The following ANKRD28 variants were observed in gnomAD, a reference collection of about 807,000 sequenced individuals.
ANKRD28 encodes the protein serine/threonine-protein phosphatase 6 regulatory ankyrin repeat subunit A.
A neutral mutation model predicts 126.5 loss-of-function variants in ANKRD28; 44 were observed. That is an observed-to-expected ratio of 0.35 (90% CI 0.27 to 0.45). The LOEUF (loss-of-function observed/expected upper bound fraction) is 0.45. Ranked by LOEUF, ANKRD28 falls within the 20% of genes least tolerant of loss-of-function variation. The pLI is 1.00. For synonymous variants in ANKRD28, 442 were observed against 468.5 expected (o/e 0.94, Z 0.73); for missense variants, 1,110 against 1,316.6 (o/e 0.84, Z 2.43).
intron 3 of ANKRD28, among the ~76,000 whole-genome samples, chr3:15,757,853 C>T (rs1248908985): frequency 1.3e-5 from 2 of 152,114 alleles, no homozygotes; most frequent in African/African-American, 4.8e-5. Flanking sequence ...AACTACTATC[C>T]ACAGGCTTCA....
intron 2 of ANKRD28, among the ~76,000 whole-genome samples, chr3:15,777,891 CA>C (rs1559515192): frequency 6.6e-5 from 10 of 151,556 alleles, no homozygotes; most frequent in African/African-American, 2.2e-4. Context: ...CACACACACA[CA>C]CACACACACA....
intron 3 of ANKRD28, among the ~76,000 whole-genome samples, chr3:15,761,218 A>G (rs146318845): frequency 1.7e-3 from 254 of 152,304 alleles, no homozygotes; most frequent in African/African-American, 5.9e-3. Context: ...ATTATTTCAT[A>G]TTGCTTAATT....
Position 15,670,243 on chromosome 3 carries a change from T to C in ANKRD28, c.*27A>G, listed in dbSNP as rs778977082. The C allele has an allele frequency of 4.4e-6, 7 of 1,604,750 alleles. No homozygotes were observed. The highest frequency in any genetic ancestry group is 3.3e-4 in the Middle Eastern group (2 of 6,022). On this transcript the variant is annotated 3_prime_UTR_variant, in exon 28 of 28. Coordinates refer to ENST00000683139, the MANE Select transcript of ANKRD28 (RefSeq NM_001349278.2). ...GAAAAAGCACAGTTTGAAGCTTTAC[T>C]GTGAGAACTCCCTCCTCCTCAGCCT... is the stretch of plus-strand genomic sequence containing the variant.
intron 6 of ANKRD28, among the ~76,000 whole-genome samples, chr3:15,730,973 T>G (rs1440585076): frequency 6.6e-6 from 1 of 152,142 alleles, no homozygotes; most frequent in Non-Finnish European, 1.5e-5. Flanking sequence ...CTCCCCACAA[T>G]GTGGTGCTTC....
At position 15,678,189 on chromosome 3, in the gene ANKRD28, T is replaced by A. The variant is rs1430474142; in HGVS notation, c.2707+20A>T. ...GATACACATACTTAGGAAAATACAA[T>A]TTTAAAGAAGTTTCTTTACCAACTG... On this transcript the variant is annotated intron_variant, in intron 24 of 27. Transcript: ENST00000683139. 1 of 1,593,726 alleles carries A rather than the reference T, an allele frequency of 6.3e-7. No individual in the cohort carries two copies. The highest frequency in any genetic ancestry group is 1.7e-5 in the Admixed American group (1 of 57,560).
chr3:15,741,056 AGGTGGGGGGGCG>A (rs2075422860), intron 4 of ANKRD28, among the ~76,000 whole-genome samples: 1 of 152,096 alleles, frequency 6.6e-6, no homozygotes, highest in Non-Finnish European at 1.5e-5. Flanking sequence ...AAAATTAGCC[AGGTGGGGGGGCG>A]GGCGCCTGTA....
chr3:15,845,297 G>T lies in ANKRD28; in HGVS notation c.27+14080C>A, dbSNP rs1274052131. Among the ~76,000 whole-genome samples the T allele has an allele frequency of 2.6e-5, 3 of 114,460 alleles. No individual in the cohort carries two copies. The highest frequency in any genetic ancestry group is 5.3e-5 in the Non-Finnish European group (3 of 56,212). The allele number at this position is 114,460 out of a possible 152,430, so 75.1% of individuals were successfully genotyped here. ...TACATAACATATACACAATCTTCCA[G>T]AACATTTCTAAAGTATATATATATA... On this transcript the variant is annotated intron_variant, in intron 1 of 27. Transcript: ENST00000399451. The surrounding 1 kb of genome is among the most constrained non-coding windows in gnomAD (Gnocchi z 4.9).
At chr3:15,828,616 A>G (rs2061120894) in intron 1 of ANKRD28, among the ~76,000 whole-genome samples, 1 of 124,108 alleles carries the variant, frequency 8.1e-6, no homozygotes, top group South Asian at 2.5e-4. Context: ...CCTGACCTCA[A>G]TTCTTTCTAT....
At chr3:15,719,137 G>T (rs1201142185) in intron 8 of ANKRD28, among the ~76,000 whole-genome samples, 4 of 152,144 alleles carry the variant, frequency 2.6e-5, no homozygotes, top group Non-Finnish European at 5.9e-5. Flanking sequence ...GACATCTCAT[G>T]TTTTTTCTTC....
intron 4 of ANKRD28, among the ~76,000 whole-genome samples, chr3:15,745,755 T>G (rs2057434633): frequency 6.6e-6 from 1 of 152,052 alleles, no homozygotes; most frequent in Admixed American, 6.5e-5. Flanking sequence ...AGAATGATGG[T>G]GGTATTTTGA....
intron 18 of ANKRD28, among the ~76,000 whole-genome samples, chr3:15,686,827 A>C (rs528315783): frequency 1.0e-3 from 154 of 152,322 alleles, no homozygotes; most frequent in African/African-American, 3.4e-3. Context: ...CAATCCTTAA[A>C]AGCAGCAGCA....
In ANKRD28 at chr3:15,807,012, G is replaced by C. The variant is rs147186721; in HGVS notation, c.28-11706C>G. 7.4e-3 allele frequency among the ~76,000 whole-genome samples: 1,123 copies of C among 152,338 alleles called. 44 individuals are homozygous for C. The highest frequency in any genetic ancestry group is 0.068 in the Admixed American group (1,041 of 15,304). On this transcript the variant is annotated intron_variant, in intron 1 of 27. Coordinates refer to the ANKRD28 transcript ENST00000399451. Reference sequence around the variant, plus strand: ...AATTAAAATAAGGTGGCTTTAGGGTGACTGATTCAGTTATCCAATGCCATC... The same window carrying C: ...AATTAAAATAAGGTGGCTTTAGGGTCACTGATTCAGTTATCCAATGCCATC...
At chr3:15,779,096 T>C (rs1049854025) in intron 2 of ANKRD28, among the ~76,000 whole-genome samples, 1 of 152,140 alleles carries the variant, frequency 6.6e-6, no homozygotes, top group African/African-American at 2.4e-5. Context: ...TAGTTCTTCA[T>C]AGCAGAGGGA....
At chr3:15,765,178 G>A (rs931520611) in intron 3 of ANKRD28, among the ~76,000 whole-genome samples, 1 of 152,038 alleles carries the variant, frequency 6.6e-6, no homozygotes, top group Non-Finnish European at 1.5e-5. Flanking sequence ...TATAACAAAA[G>A]TATTTCTAAA....
intron 1 of ANKRD28, 49 bp from the exon 2 acceptor site, chr3:15,795,355 G>T: frequency 7.9e-7 from 1 of 1,266,288 alleles, no homozygotes; most frequent in South Asian, 1.2e-5. Flanking sequence ...CATGTGGGGT[G>T]ACTAAGGATA....
chr3:15,689,891 CAT>C, intron 18 of ANKRD28, 126 bp downstream of exon 18: 1 of 764,386 alleles, frequency 1.3e-6, no homozygotes, highest in Non-Finnish European at 2.0e-6. Flanking sequence ...TCAAATAATC[CAT>C]ATATGATTTG....
intron 6 of ANKRD28, among the ~76,000 whole-genome samples, chr3:15,725,521 G>A (rs2074089841): frequency 6.6e-6 from 1 of 152,046 alleles, no homozygotes; most frequent in Admixed American, 6.6e-5. Context: ...ATTGCATCTT[G>A]TTTCTTAAAA....
intron 17 of ANKRD28, among the ~76,000 whole-genome samples, chr3:15,693,319 T>TGG (rs200901276): frequency 8.3e-4 from 125 of 150,286 alleles, no homozygotes; most frequent in African/African-American, 3.0e-3. Flanking sequence ...AAAATAGTAA[T>TGG]GGGGGGGCAG....
intron 14 of ANKRD28, 49 bp downstream of exon 14, chr3:15,707,875 C>T: frequency 6.4e-7 from 1 of 1,570,922 alleles, no homozygotes; most frequent in South Asian, 1.2e-5. Flanking sequence ...ATGGAAGATG[C>T]CAGTTTATAG....
Sources: allele counts gnomAD v4.1 joint callset (sites outside exome capture counted in the v4.1 genomes callset), GRCh38; gene constraint gnomAD v4.1.1; non-coding constraint Gnocchi (gnomAD v3.1); transcripts MANE v1.5; gene names NCBI Gene and HGNC (gene_info 2026-07-23, HGNC 2026-07-21).